The following PTPRS variants were observed in gnomAD, a reference collection of about 807,000 sequenced individuals.
PTPRS encodes the protein receptor-type tyrosine-protein phosphatase S.
PTPRS carries 63 observed loss-of-function variants against 215.3 expected under a neutral mutation model. That is an observed-to-expected ratio of 0.29 (90% CI 0.24 to 0.36). The LOEUF is 0.36. Among genes scored for constraint, PTPRS ranks in the 10% least tolerant of loss-of-function variants. The pLI is 1.00. For synonymous variants in PTPRS, 1,404 were observed against 1,191.4 expected (o/e 1.18, Z -3.68); for missense variants, 2,258 against 2,825.8 (o/e 0.80, Z 4.56).
At chr19:5,276,771 T>C (rs1023703194) in intron 2 of PTPRS, among the ~76,000 whole-genome samples, 3 of 151,800 alleles carry the variant, frequency 2.0e-5, no homozygotes, top group African/African-American at 7.3e-5. Flanking sequence ...CTCGATCTCC[T>C]GACCTCGTGA....
In PTPRS at chr19:5,228,284, G is replaced by A. The variant is rs556434379; in HGVS notation, c.2376+1032C>T. ...TGTTTGAACCCAGGAGGTGGAGGTTGCAGTGAGCCGAGATGGCGCCACTGT... is the reference window on the plus strand; with the variant it reads ...TGTTTGAACCCAGGAGGTGGAGGTTACAGTGAGCCGAGATGGCGCCACTGT... On this transcript the variant is annotated intron_variant, in intron 16 of 37. Coordinates refer to ENST00000262963, the MANE Select transcript of PTPRS (RefSeq NM_002850.4). Among the ~76,000 whole-genome samples the A allele has an allele frequency of 3.4e-5, 5 of 147,610 alleles. No individual in the cohort carries two copies. The East Asian group carries it at 6.2e-4, about 18-fold the overall frequency.
At chr19:5,333,333 A>T (rs1417604634) in intron 1 of PTPRS, among the ~76,000 whole-genome samples, 2 of 149,800 alleles carry the variant, frequency 1.3e-5, no homozygotes, top group Non-Finnish European at 3.0e-5. Context: ...AATAATAATA[A>T]TAATAATAAT....
intron 1 of PTPRS, among the ~76,000 whole-genome samples, chr19:5,286,545 A>G (rs984456051): frequency 1.3e-5 from 2 of 152,162 alleles, no homozygotes; most frequent in Admixed American, 6.5e-5. Context: ...TTAGTGTCAT[A>G]AAGGATCTCC....
intron 4 of PTPRS, among the ~76,000 whole-genome samples, chr19:5,271,753 T>C (rs917713141): frequency 6.6e-6 from 1 of 151,674 alleles, no homozygotes; most frequent in African/African-American, 2.4e-5. Flanking sequence ...AGACAGAGTT[T>C]CGCTCTTGTC....
In PTPRS at chr19:5,223,407, G is replaced by GT. The variant is rs990280551; in HGVS notation, c.2495-111dup. ...TTCCTTCAATATAACATTTTTTTGA[G>GT]TTGGGGGGGGTCTTACTCTGTTGCC... On this transcript the variant is annotated intron_variant, in intron 17 of 37. Coordinates refer to ENST00000262963, the MANE Select transcript of PTPRS (RefSeq NM_002850.4). 28 of 1,222,336 alleles carry GT rather than the reference G, an allele frequency of 2.3e-5. No individual in the cohort carries two copies. In the Admixed American group the frequency reaches 8.0e-4, roughly 35 times the overall value. 75.7% of individuals were successfully genotyped at this position (1,222,336 alleles called of 1,614,324 possible).
chr19:5,222,343 C>T lies in PTPRS; in HGVS notation c.3104-123G>A, dbSNP rs1281826764. ...GGCGCTCCCTGTCGTCCGCTGTGCCCATGCCCACGGCCTTCCTGCCTGGCC... is the reference window on the plus strand; with the variant it reads ...GGCGCTCCCTGTCGTCCGCTGTGCCTATGCCCACGGCCTTCCTGCCTGGCC... On this transcript the variant is annotated intron_variant, in intron 18 of 37. Coordinates refer to ENST00000262963, the MANE Select transcript of PTPRS (RefSeq NM_002850.4). The T allele has an allele frequency of 4.9e-6, 4 of 819,106 alleles. No individual in the cohort carries two copies. In the East Asian group the frequency reaches 7.8e-5, roughly 16 times the overall value. 50.7% of individuals were successfully genotyped at this position (819,106 alleles called of 1,614,324 possible).
chr19:5,261,657 C>T (rs552822853), intron 6 of PTPRS, among the ~76,000 whole-genome samples: 10 of 152,168 alleles, frequency 6.6e-5, no homozygotes, highest in East Asian at 1.9e-4. Flanking sequence ...AAAGCAGCTC[C>T]TTCTGCGTGG....
Position 5,211,634 on chromosome 19 carries a change from C to T in PTPRS, c.5190G>A (p.Val1730=), listed in dbSNP as rs1259512111. The change falls in exon 33 of 38, where the codon GTG becomes GTA. Residue 1730 remains valine (V), a synonymous_variant. Transcript: ENST00000262963. ...TGGCGTTGATGTAGTCAGAGCCCTC[C>T]ACACCCCGGATGGGTTGCAGACAGA... ...TRVCLQPIRG[V]EGSDYINASF... The T allele has an allele frequency of 6.2e-7, 1 of 1,613,836 alleles. No homozygotes were observed. Among genetic ancestry groups the T allele is most frequent in the South Asian group, 1.1e-5 (1 of 91,080 alleles).
intron 4 of PTPRS, among the ~76,000 whole-genome samples, chr19:5,267,417 G>A (rs913577254): frequency 1.3e-5 from 2 of 152,166 alleles, no homozygotes; most frequent in Non-Finnish European, 2.9e-5. Context: ...AGCACTTTGG[G>A]AGGACGAAGC....
chr19:5,210,853 G>A lies in PTPRS; in HGVS notation c.5235-48C>T, dbSNP rs367728760. ...CCCAGGGCCGGCAGGGAGACCCGGC[G>A]TGGTACTCACCTGATGCTGCCCGGG... is the stretch of plus-strand genomic sequence containing the variant. On this transcript the variant is annotated intron_variant, in intron 33 of 37. Transcript: ENST00000262963. This position sits in a 1 kb window ranked among gnomAD's most constrained non-coding sequence, Gnocchi z 4.5. 2.3e-5 allele frequency: 36 copies of A among 1,592,822 alleles called. No homozygotes were observed. Among genetic ancestry groups the A allele is most frequent in the Non-Finnish European group, 2.7e-5 (32 of 1,172,890 alleles).
chr19:5,246,714 C>G (rs1244598975), intron 9 of PTPRS, among the ~76,000 whole-genome samples: 1 of 152,198 alleles, frequency 6.6e-6, no homozygotes, highest in Non-Finnish European at 1.5e-5. Context: ...ACCTGGGGCC[C>G]TGCCCACTTA....
In PTPRS at chr19:5,214,411, C is replaced by G; in HGVS notation, c.4564G>C (p.Asp1522His). 1.2e-6 allele frequency: 2 copies of G among 1,614,200 alleles called. No individual in the cohort carries two copies. The highest frequency in any genetic ancestry group is 1.7e-6 in the Non-Finnish European group (2 of 1,180,040). ...TYGFIQVTLL[D>H]TIELATFCVR... ...CAGAATGTGGCCAGCTCGATGGTAT[C>G]TAGCAACGTGACCTGGATGAAGCCG... Residue 1522 changes from aspartate to histidine, a missense_variant, in exon 30 of 38, where the codon GAT becomes CAT. Transcript: ENST00000262963.
At position 5,257,413 on chromosome 19, in the gene PTPRS, G is replaced by T; in HGVS notation, c.706+604C>A. On this transcript the variant is annotated intron_variant, in intron 8 of 37. Transcript: ENST00000262963. The surrounding 1 kb of genome is among the most constrained non-coding windows in gnomAD (Gnocchi z 4.4). Reference sequence around the variant, plus strand: ...CCCGCTGTGGCTCCAGCCTCCCATCGGCCTGGACTGCCCTTCTCGGAGAGT... The same window carrying T: ...CCCGCTGTGGCTCCAGCCTCCCATCTGCCTGGACTGCCCTTCTCGGAGAGT... The T allele has an allele frequency of 6.6e-6, 3 of 457,462 alleles. No homozygotes were observed. The highest frequency in any genetic ancestry group is 1.3e-5 in the Non-Finnish European group (3 of 227,394). 28.3% of individuals were successfully genotyped at this position (457,462 alleles called of 1,614,324 possible).
intron 1 of PTPRS, among the ~76,000 whole-genome samples, chr19:5,297,048 C>A (rs1322180317): frequency 2.0e-5 from 3 of 151,518 alleles, no homozygotes; most frequent in African/African-American, 7.3e-5. Context: ...GGCCTGAGCA[C>A]CCTAAAGGTT....
In PTPRS at chr19:5,257,996, C is replaced by A; in HGVS notation, c.706+21G>T. 1 of 1,603,888 alleles carries A rather than the reference C, an allele frequency of 6.2e-7. No individual in the cohort carries two copies. Among genetic ancestry groups the A allele is most frequent in the South Asian group, 1.1e-5 (1 of 90,554 alleles). Reference sequence around the variant, plus strand: ...GGACGGGGCGGGTCCCTGCCTTTGACCTGGACGCGGCGTTCCCTACCTCGC... The same window carrying A: ...GGACGGGGCGGGTCCCTGCCTTTGAACTGGACGCGGCGTTCCCTACCTCGC... On this transcript the variant is annotated intron_variant, in intron 8 of 37. Coordinates refer to ENST00000262963, the MANE Select transcript of PTPRS (RefSeq NM_002850.4). The surrounding 1 kb of genome is among the most constrained non-coding windows in gnomAD (Gnocchi z 4.4).
At chr19:5,312,060 G>C (rs1463997433) in intron 1 of PTPRS, among the ~76,000 whole-genome samples, 1 of 151,386 alleles carries the variant, frequency 6.6e-6, no homozygotes, top group Non-Finnish European at 1.5e-5. Context: ...AAAAAAGAAA[G>C]AAATACGCAT....
chr19:5,227,907 C>G (rs1420504847), intron 16 of PTPRS, among the ~76,000 whole-genome samples: 1 of 152,090 alleles, frequency 6.6e-6, no homozygotes, highest in African/African-American at 2.4e-5. Flanking sequence ...ATCACAGCAT[C>G]ATGTGTGCCC....
intron 25 of PTPRS, among the ~76,000 whole-genome samples, chr19:5,217,924 G>A (rs749802807): frequency 6.6e-6 from 1 of 152,108 alleles, no homozygotes; most frequent in African/African-American, 2.4e-5. Flanking sequence ...GAACTATAAA[G>A]AGGCATGAAC....
At chr19:5,209,138 C>T (rs934987050) in intron 35 of PTPRS, among the ~76,000 whole-genome samples, 6 of 152,202 alleles carry the variant, frequency 3.9e-5, no homozygotes, top group Admixed American at 3.3e-4. Context: ...CATCCACCAC[C>T]ATCCCCTCTT....
Sources: allele counts gnomAD v4.1 joint callset (sites outside exome capture counted in the v4.1 genomes callset), GRCh38; gene constraint gnomAD v4.1.1; non-coding constraint Gnocchi (gnomAD v3.1); transcripts MANE v1.5; gene names NCBI Gene and HGNC (gene_info 2026-07-23, HGNC 2026-07-21).